The following FHOD1 variants were observed in gnomAD, a reference collection of about 807,000 sequenced individuals.
The protein encoded by FHOD1 is formin homology 2 domain containing 1.
A neutral mutation model predicts 111.6 loss-of-function variants in FHOD1; 89 were observed. That is an observed-to-expected ratio of 0.80 (90% CI 0.67 to 0.95). FHOD1 has a LOEUF of 0.95. Among genes scored for constraint, FHOD1 ranks in the 40% least tolerant of loss-of-function variants. FHOD1 has a pLI of 0.00. For synonymous variants in FHOD1, 618 were observed against 639.0 expected (o/e 0.97, Z 0.50); for missense variants, 1,446 against 1,554.2 (o/e 0.93, Z 1.17).
Position 67,231,704 on chromosome 16 carries a change from G to A in FHOD1, c.2318C>T (p.Ser773Phe), listed in dbSNP as rs1260651623. 6.2e-7 allele frequency: 1 copy of A among 1,614,074 alleles called. No homozygotes were observed. The highest frequency in any genetic ancestry group is 1.3e-5 in the African/African-American group (1 of 74,912). ...TAGACGAGCAGCGAGGCCGCCAATG[G>A]AGGCAAGAGTCATCAGGAAGTTCTC... ...PAENFLMTLASIGGLAARLQL... is the reference protein window; with the variant it reads ...PAENFLMTLAFIGGLAARLQL... The change falls in exon 15 of 22, where the codon TCC becomes TTC. Residue 773 changes from serine (S) to phenylalanine (F), a missense_variant. Around this residue, in one of 3 missense-constraint regions of FHOD1, gnomAD observed 1,085 missense variants for 1,108.8 expected, o/e 0.98. Coordinates refer to ENST00000258201, the MANE Select transcript of FHOD1 (RefSeq NM_013241.3). The surrounding 1 kb of genome is among the most constrained non-coding windows in gnomAD (Gnocchi z 4.3).
In FHOD1 at chr16:67,230,351, C is replaced by A. The variant is rs1039772478; in HGVS notation, c.3014G>T (p.Arg1005Leu). Residue 1005 changes from arginine (R) to leucine (L), a missense_variant, in exon 19 of 22, where the codon CGT becomes CTT. Around this residue, in one of 3 missense-constraint regions of FHOD1, gnomAD observed 1,085 missense variants for 1,108.8 expected, o/e 0.98. Coordinates refer to ENST00000258201, the MANE Select transcript of FHOD1 (RefSeq NM_013241.3). ...LQQQQKQATYRERNKTRGRMI... is the reference protein window; with the variant it reads ...LQQQQKQATYLERNKTRGRMI... ...GCGTCCCCGGGTCTTGTTGCGCTCA[C>A]GGTATGTGGCCTGCTTCTGCTGCTG... 6.2e-7 allele frequency: 1 copy of A among 1,614,258 alleles called. No individual in the cohort carries two copies. The highest frequency in any genetic ancestry group is 8.5e-7 in the Non-Finnish European group (1 of 1,180,042).
chr16:67,232,160 A>G lies in FHOD1; in HGVS notation c.2081T>C (p.Val694Ala). The G allele has an allele frequency of 6.2e-7, 1 of 1,614,180 alleles. No individual in the cohort carries two copies. Among genetic ancestry groups the G allele is most frequent in the Non-Finnish European group, 8.5e-7 (1 of 1,180,038 alleles). Residue 694 changes from valine to alanine, a missense_variant, in exon 14 of 22, where the codon GTG becomes GCG. This residue lies in a region of FHOD1 where 1,085 missense variants were observed against 1,108.8 expected (regional missense o/e 0.98). Coordinates refer to ENST00000258201, the MANE Select transcript of FHOD1 (RefSeq NM_013241.3). The part of the protein sequence containing the change: ...AGEGRRTMTT[V>A]LDPKRSNAIN... The stretch of plus-strand genomic sequence containing the variant: ...GGCGTTGCTGCGCTTGGGGTCCAGC[A>G]CTGTGGTCATTGTCCGGCGGCCCTC...
At chr16:67,245,138 G>T (rs1363123412) in intron 1 of FHOD1, among the ~76,000 whole-genome samples, 1 of 152,214 alleles carries the variant, frequency 6.6e-6, no homozygotes, top group Non-Finnish European at 1.5e-5. Context: ...TAGCCCCAGG[G>T]AATCCTGGCT....
chr16:67,231,694 G>GC lies in FHOD1; in HGVS notation c.2327dup (p.Leu777ProfsTer15). 6.2e-7 allele frequency: 1 copy of GC among 1,614,198 alleles called. No individual in the cohort carries two copies. Among genetic ancestry groups the GC allele is most frequent in the Non-Finnish European group, 8.5e-7 (1 of 1,180,044 alleles). ...CCCAGAGTTGTAGACGAGCAGCGAG[G>GC]CCGCCAATGGAGGCAAGAGTCATCA... On this transcript the variant is annotated frameshift_variant, in exon 15 of 22. Coordinates refer to ENST00000258201, the MANE Select transcript of FHOD1 (RefSeq NM_013241.3). LOFTEE classifies it high-confidence loss of function. This position sits in a 1 kb window ranked among gnomAD's most constrained non-coding sequence, Gnocchi z 4.3.
At chr16:67,234,290 C>T (rs1428917354) in intron 12 of FHOD1, 23 bp from the exon 13 acceptor site, 2 of 1,586,994 alleles carry the variant, frequency 1.3e-6, no homozygotes, top group East Asian at 2.3e-5. Context: ...AAGGAGCTGT[C>T]AGTGCCATGC....
Position 67,232,132 on chromosome 16 carries a change from G to C in FHOD1, c.2109C>G (p.Ile703Met). 1.9e-6 allele frequency: 3 copies of C among 1,614,206 alleles called. No homozygotes were observed. Among genetic ancestry groups the C allele is most frequent in the Non-Finnish European group, 1.7e-6 (2 of 1,180,028 alleles). Reference sequence around the variant, plus strand: ...GTGGCAGTGTGGTTAGGCCGATGTTGATGGCGTTGCTGCGCTTGGGGTCCA... The same window carrying C: ...GTGGCAGTGTGGTTAGGCCGATGTTCATGGCGTTGCTGCGCTTGGGGTCCA... ...TVLDPKRSNA[I>M]NIGLTTLPPV... is the part of the protein sequence containing the mutation. The change falls in exon 14 of 22, where the codon ATC becomes ATG. Residue 703 changes from isoleucine to methionine, a missense_variant. Ile to Met is a conservative substitution (Grantham distance 10). Transcript: ENST00000258201.
chr16:67,232,071 CAA>C lies in FHOD1; in HGVS notation c.2168_2169del (p.Phe723Ter). 1 of 1,614,244 alleles carries C rather than the reference CAA, an allele frequency of 6.2e-7. No homozygotes were observed. Among genetic ancestry groups the C allele is most frequent in the Non-Finnish European group, 8.5e-7 (1 of 1,180,028 alleles). On this transcript the variant is annotated frameshift_variant, in exon 14 of 22. Coordinates refer to ENST00000258201, the MANE Select transcript of FHOD1 (RefSeq NM_013241.3). LOFTEE classifies it high-confidence loss of function. ...VHVIKAALLN[F>X]DEFAVSKDGI... is the part of the protein sequence containing the mutation. ...CCATCCTTGCTGACAGCAAACTCAT[CAA>C]AGTTGAGCAGAGCAGCCTTAATGAC...
rs1567391941 is a variant in FHOD1, at chr16:67,237,610, G to GGA, written c.755-43_755-42dup. 1 of 1,613,162 alleles carries GGA rather than the reference G, an allele frequency of 6.2e-7. No individual in the cohort carries two copies. Among genetic ancestry groups the GGA allele is most frequent in the South Asian group, 1.1e-5 (1 of 91,074 alleles). Reference sequence around the variant, plus strand: ...TGGAGCAGTCATGGGGGAACAGGTAGGAGAGAGGGCTCTGAGCGGTGGGGG... The same window carrying GGA: ...TGGAGCAGTCATGGGGGAACAGGTAGGAGAGAGAGGGCTCTGAGCGGTGGGGG... On this transcript the variant is annotated intron_variant, in intron 7 of 21. Coordinates refer to ENST00000258201, the MANE Select transcript of FHOD1 (RefSeq NM_013241.3). The surrounding 1 kb of genome is among the most constrained non-coding windows in gnomAD (Gnocchi z 5.6).
rs1308037833 is a variant in FHOD1, at chr16:67,234,179, C to A, written c.1524G>T (p.Gln508His). 1 of 1,552,290 alleles carries A rather than the reference C, an allele frequency of 6.4e-7. No individual in the cohort carries two copies. Residue 508 changes from glutamine (Q) to histidine (H), a missense_variant, in exon 13 of 22, where the codon CAG becomes CAT. Transcript: ENST00000258201. ...CCTTGGGCTCTGGTGCAAGGCTTCG[C>A]TGGGCCCGGAGCAGGACACAGGGGG... ...SPAPCVLLRA[Q>H]RSLAPEPKEP...
chr16:67,233,829 T>C lies in FHOD1; in HGVS notation c.1874A>G (p.Lys625Arg). The change falls in exon 13 of 22, where the codon AAG becomes AGG. Residue 625 changes from lysine to arginine, a missense_variant. Lys to Arg is a conservative substitution (Grantham distance 26). Around this residue, in one of 3 missense-constraint regions of FHOD1, gnomAD observed 1,085 missense variants for 1,108.8 expected, o/e 0.98. Coordinates refer to ENST00000258201, the MANE Select transcript of FHOD1 (RefSeq NM_013241.3). Reference sequence around the variant, plus strand: ...CTCACGCCAGAAAAGTTTTACTGTCTTCCTCTTAGTGGGGAGGGCTGAGCT... The same window carrying C: ...CTCACGCCAGAAAAGTTTTACTGTCCTCCTCTTAGTGGGGAGGGCTGAGCT... ...PDSSALPTKR[K>R]TVKLFWRELK... 6.2e-7 allele frequency: 1 copy of C among 1,613,132 alleles called. No individual in the cohort carries two copies.
intron 13 of FHOD1, 126 bp downstream of exon 13, chr16:67,233,531 C>T: frequency 7.4e-7 from 1 of 1,343,432 alleles, no homozygotes; most frequent in South Asian, 1.6e-5. Context: ...TGGACAATTT[C>T]CTACTCCTTT....
In FHOD1 at chr16:67,238,138, CAG is replaced by C. The variant is rs759406256; in HGVS notation, c.548-12_548-11del. On this transcript the variant is annotated splice_polypyrimidine_tract_variant and intron_variant, in intron 5 of 21. Coordinates refer to ENST00000258201, the MANE Select transcript of FHOD1 (RefSeq NM_013241.3). This position sits in a 1 kb window ranked among gnomAD's most constrained non-coding sequence, Gnocchi z 4.2. ...ATCAGCTGGCCGAGCGCTGGGGAAA[CAG>C]GGATGGGCAGAGTCAGCGAGGGTCG... 17 of 1,614,048 alleles carry C rather than the reference CAG, an allele frequency of 1.1e-5. No individual in the cohort carries two copies. The East Asian group carries it at 3.6e-4, about 34-fold the overall frequency.
At position 67,238,358 on chromosome 16, in the gene FHOD1, C is replaced by G. The variant is rs761131853; in HGVS notation, c.441+22G>C. 3 of 1,614,072 alleles carry G rather than the reference C, an allele frequency of 1.9e-6. No homozygotes were observed. The highest frequency in any genetic ancestry group is 1.6e-4 in the Middle Eastern group (1 of 6,062). ...GGAAGCTTGGGCTACACACTTACCC[C>G]CAGCCCACTGCGGGGCCTCACCTGG... On this transcript the variant is annotated intron_variant, in intron 4 of 21. Transcript: ENST00000258201. This position sits in a 1 kb window ranked among gnomAD's most constrained non-coding sequence, Gnocchi z 4.2.
At position 67,234,124 on chromosome 16, in the gene FHOD1, C is replaced by G; in HGVS notation, c.1579G>C (p.Glu527Gln). ...CGGGTAGGGAGCTCCCAGATGGGCT[C>G]AGCCTTGGGGCTTGCTGGTATCAGT... ...EPLIPASPKA[E>Q]PIWELPTRAP... Residue 527 changes from glutamate to glutamine, a missense_variant, in exon 13 of 22, where the codon GAG becomes CAG. Coordinates refer to ENST00000258201, the MANE Select transcript of FHOD1 (RefSeq NM_013241.3). 6.3e-7 allele frequency: 1 copy of G among 1,583,516 alleles called. No homozygotes were observed. The highest frequency in any genetic ancestry group is 1.7e-5 in the Admixed American group (1 of 57,824).
chr16:67,246,859 A>C (rs2034861098), intron 1 of FHOD1: 2 of 257,814 alleles, frequency 7.8e-6, no homozygotes, highest in Non-Finnish European at 1.5e-5. Context: ...GTCCCTCCCC[A>C]GCTCCGCCTC....
Position 67,233,505 on chromosome 16 carries a change from C to T in FHOD1, c.2046+152G>A, listed in dbSNP as rs116005106. ...GATTCTAGTTGGGGCACTGCTGATC[C>T]CTTGTTAGGAGACCTTGGACAATTT... On this transcript the variant is annotated intron_variant, in intron 13 of 21. Transcript: ENST00000258201. 4.7e-4 allele frequency: 527 copies of T among 1,118,028 alleles called. 2 individuals carry two copies. The African/African-American group carries it at 7.1e-3, about 15-fold the overall frequency. The allele number at this position is 1,118,028 out of a possible 1,614,324, so 69.3% of individuals were successfully genotyped here.
chr16:67,231,653 T>C lies in FHOD1; in HGVS notation c.2369A>G (p.Tyr790Cys). Residue 790 changes from tyrosine (Y) to cysteine (C), a missense_variant, in exon 15 of 22, where the codon TAT becomes TGT. Around this residue, in one of 3 missense-constraint regions of FHOD1, gnomAD observed 1,085 missense variants for 1,108.8 expected, o/e 0.98. Transcript: ENST00000258201. This position sits in a 1 kb window ranked among gnomAD's most constrained non-coding sequence, Gnocchi z 4.3. ...CCCAGGTACCCGCTCCATGCTGTCA[T>C]AGTCCAGCTTGAAGGCCCAGAGTTG... ...RLQLWAFKLD[Y>C]DSMEREIAEP... The C allele has an allele frequency of 1.9e-6, 3 of 1,614,164 alleles. No individual in the cohort carries two copies. Among genetic ancestry groups the C allele is most frequent in the Non-Finnish European group, 2.5e-6 (3 of 1,180,012 alleles).
chr16:67,236,415 C>A, intron 11 of FHOD1, 142 bp downstream of exon 11: 1 of 1,475,958 alleles, frequency 6.8e-7, no homozygotes, highest in Admixed American at 2.3e-5. Flanking sequence ...ACTTACCAAA[C>A]GGAAGCAGTT....
Position 67,231,086 on chromosome 16 carries a change from C to G in FHOD1, c.2667+102G>C. Reference sequence around the variant, plus strand: ...CACACCCAGGTGGCTGGAGCAAGCCCTGGCACAGCAGCCCAAATGGGGAGA... The same window carrying G: ...CACACCCAGGTGGCTGGAGCAAGCCGTGGCACAGCAGCCCAAATGGGGAGA... On this transcript the variant is annotated intron_variant, in intron 17 of 21. Coordinates refer to ENST00000258201, the MANE Select transcript of FHOD1 (RefSeq NM_013241.3). This position sits in a 1 kb window ranked among gnomAD's most constrained non-coding sequence, Gnocchi z 4.3. 6.7e-7 allele frequency: 1 copy of G among 1,483,948 alleles called. No individual in the cohort carries two copies. The highest frequency in any genetic ancestry group is 9.2e-7 in the Non-Finnish European group (1 of 1,091,788). 91.9% of individuals were successfully genotyped at this position (1,483,948 alleles called of 1,614,324 possible). A position where few individuals can be genotyped will look rare whatever the true frequency, so the allele number is the denominator to read the frequency against.
Sources: allele counts gnomAD v4.1 joint callset (sites outside exome capture counted in the v4.1 genomes callset), GRCh38; gene constraint gnomAD v4.1.1; regional missense constraint gnomAD v4.1.1; non-coding constraint Gnocchi (gnomAD v3.1); transcripts MANE v1.5; gene names NCBI Gene and HGNC (gene_info 2026-07-23, HGNC 2026-07-21).